The following GFOD1 variants were observed in gnomAD, a reference collection of about 807,000 sequenced individuals.
GFOD1 encodes the protein glucose-fructose oxidoreductase domain-containing protein 1.
In GFOD1, 9 loss-of-function variants were observed where a neutral mutation model predicts 25.4. The ratio of observed to expected loss-of-function variants is 0.35; its 90% CI spans 0.21 to 0.62. The LOEUF (loss-of-function observed/expected upper bound fraction) is 0.62, where lower values mean the gene tolerates loss of function less well. GFOD1 is among the 20% of genes least tolerant of loss of function. GFOD1 has a pLI of 0.72. For synonymous variants in GFOD1, 253 were observed against 245.6 expected, an observed-to-expected ratio of 1.03 and a Z score of -0.28; for missense variants, 403 against 556.9, an observed-to-expected ratio of 0.72 and a Z score of 2.78.
rs566601710 is a variant in GFOD1, at chr6:13,417,753, C to T, written c.254-52091G>A. Among the ~76,000 whole-genome samples, 116 of 152,296 alleles carry T rather than the reference C, an allele frequency of 7.6e-4. 2 individuals are homozygous for T. Among genetic ancestry groups the T allele is most frequent in the Non-Finnish European group, 1.5e-3 (99 of 68,024 alleles). On this transcript the variant is annotated intron_variant, in intron 1 of 1. Transcript: ENST00000379287. Reference sequence around the variant, plus strand: ...TCGTAAGTGCAGCAGGAGAATAATTCCCGGAATATGGATTCTTTCAACCAT... The same window carrying T: ...TCGTAAGTGCAGCAGGAGAATAATTTCCGGAATATGGATTCTTTCAACCAT...
rs546392214 is a variant in GFOD1, at chr6:13,394,066, T to A, written c.254-28404A>T. Among the ~76,000 whole-genome samples the A allele has an allele frequency of 1.2e-4, 18 of 152,042 alleles. No individual in the cohort carries two copies. In the East Asian group the frequency reaches 3.5e-3, roughly 29 times the overall value. On this transcript the variant is annotated intron_variant, in intron 1 of 1. Coordinates refer to ENST00000379287, the MANE Select transcript of GFOD1 (RefSeq NM_018988.4). ...TGCTGGGATTACAGGCGTGAGCCAC[T>A]GTGCCTGGCTCCTTGGCCAATGTCT...
intron 1 of GFOD1, among the ~76,000 whole-genome samples, chr6:13,449,909 C>T (rs1758066141): frequency 6.6e-6 from 1 of 152,216 alleles, no homozygotes; most frequent in African/African-American, 2.4e-5. Context: ...TACTTCCTCT[C>T]AAATAATATT....
chr6:13,415,434 A>G (rs1294205243), intron 1 of GFOD1, among the ~76,000 whole-genome samples: 1 of 151,790 alleles, frequency 6.6e-6, no homozygotes, highest in Admixed American at 6.6e-5. Context: ...CACCTCCTCC[A>G]CCCACCTTGC....
chr6:13,433,748 T>C (rs939299072), intron 1 of GFOD1, among the ~76,000 whole-genome samples: 4 of 152,062 alleles, frequency 2.6e-5, no homozygotes, highest in South Asian at 4.2e-4. Context: ...AGAGGTGACA[T>C]TGCATTCCCT....
intron 1 of GFOD1, among the ~76,000 whole-genome samples, chr6:13,421,070 T>C (rs1350940390): frequency 1.3e-5 from 2 of 152,174 alleles, no homozygotes; most frequent in Admixed American, 6.5e-5. Flanking sequence ...GAGTATTCAA[T>C]AAGGGGTAGA....
chr6:13,474,461 A>C (rs187593541), intron 1 of GFOD1, among the ~76,000 whole-genome samples: 42 of 152,316 alleles, frequency 2.8e-4, no homozygotes, highest in African/African-American at 9.1e-4. Flanking sequence ...TGGCACTGGG[A>C]AGCTTACCCA....
rs143303503 is a variant in GFOD1 at position 13,455,024 on chromosome 6, G to T, written c.253+31614C>A. On this transcript the variant is annotated intron_variant, in intron 1 of 1. Coordinates refer to ENST00000379287, the MANE Select transcript of GFOD1 (RefSeq NM_018988.4). ...AGATTTTCCACCATCTGATGCAGTTGCTTCCGCTAGAGTTTAGGGTTTCGT... is the reference window on the plus strand; with the variant it reads ...AGATTTTCCACCATCTGATGCAGTTTCTTCCGCTAGAGTTTAGGGTTTCGT... 4.2e-3 allele frequency among the ~76,000 whole-genome samples: 647 copies of T among 152,290 alleles called. 7 individuals carry two copies. The highest frequency in any genetic ancestry group is 0.014 in the African/African-American group (590 of 41,554).
chr6:13,419,478 C>A (rs1359362598), intron 1 of GFOD1, among the ~76,000 whole-genome samples: 1 of 152,146 alleles, frequency 6.6e-6, no homozygotes, highest in Non-Finnish European at 1.5e-5. Flanking sequence ...AGCTGCTGGT[C>A]TCCTTGCTTC....
At chr6:13,469,165 A>G in intron 1 of GFOD1, 1 of 832,734 alleles carries the variant, frequency 1.2e-6, no homozygotes, top group Non-Finnish European at 1.4e-6. Flanking sequence ...CCAGAACAGT[A>G]AAGAGGCCAC....
rs70989853 is a variant in GFOD1, at chr6:13,393,368, CAAAAAAAAAAA to C, written c.254-27717_254-27707del. On this transcript the variant is annotated intron_variant, in intron 1 of 1. Coordinates refer to ENST00000379287, the MANE Select transcript of GFOD1 (RefSeq NM_018988.4). ...GAGACCCCATCTCAAAAACAACCAC[CAAAAAAAAAAA>C]AAAAAAAAAAAAAGGAAAGAAGTAA... Among the ~76,000 whole-genome samples the C allele has an allele frequency of 2.8e-3, 203 of 72,504 alleles. 2 individuals are homozygous for C. The highest frequency in any genetic ancestry group is 0.011 in the African/African-American group (189 of 17,518). The allele number at this position is 72,504 out of a possible 152,430, so 47.6% of individuals were successfully genotyped here.
intron 1 of GFOD1, among the ~76,000 whole-genome samples, chr6:13,454,126 G>C (rs907700902): frequency 1.2e-4 from 19 of 152,242 alleles, no homozygotes; most frequent in Admixed American, 6.5e-5. Context: ...AAGCAGAGAC[G>C]AGGTGATGCA....
At chr6:13,391,325 C>T (rs1465763240) in intron 1 of GFOD1, among the ~76,000 whole-genome samples, 1 of 151,800 alleles carries the variant, frequency 6.6e-6, no homozygotes, top group Non-Finnish European at 1.5e-5. Flanking sequence ...TGGCAAAACC[C>T]CGTCTCTATT....
intron 1 of GFOD1, among the ~76,000 whole-genome samples, chr6:13,423,139 T>C (rs570628438): frequency 2.4e-4 from 37 of 152,180 alleles, no homozygotes; most frequent in Non-Finnish European, 3.8e-4. Flanking sequence ...TTTGAAAGTC[T>C]GTCTCATTTC....
intron 1 of GFOD1, chr6:13,470,042 C>T (rs764293892): frequency 1.5e-6 from 2 of 1,374,048 alleles, no homozygotes; most frequent in Admixed American, 1.9e-5. Context: ...AGAATATTTC[C>T]TTACACATTG....
intron 1 of GFOD1, among the ~76,000 whole-genome samples, chr6:13,468,073 TC>T (rs1758407983): frequency 6.6e-6 from 1 of 152,184 alleles, no homozygotes; most frequent in Non-Finnish European, 1.5e-5. Flanking sequence ...ATATATTTTT[TC>T]ATTATGATAT....
chr6:13,385,469 T>G (rs1030061094), intron 1 of GFOD1, among the ~76,000 whole-genome samples: 1 of 152,220 alleles, frequency 6.6e-6, no homozygotes, highest in Non-Finnish European at 1.5e-5. Context: ...GTGGCTGTTC[T>G]GCTGGGGCTG....
chr6:13,390,873 G>A (rs746126299), intron 1 of GFOD1, among the ~76,000 whole-genome samples: 10 of 152,110 alleles, frequency 6.6e-5, no homozygotes, highest in Non-Finnish European at 1.2e-4. Context: ...AGGGCTGCAT[G>A]AGGCAATGCA....
intron 1 of GFOD1, among the ~76,000 whole-genome samples, chr6:13,374,265 TTTTTTTTTTGTG>T (rs1357211519): frequency 8.6e-6 from 1 of 116,488 alleles, no homozygotes; most frequent in East Asian, 3.6e-4. Flanking sequence ...TAAAAATATG[TTTTTTTTTTGTG>T]TGTGTGTGTG....
intron 1 of GFOD1, among the ~76,000 whole-genome samples, chr6:13,464,363 G>A (rs1267370788): frequency 6.6e-6 from 1 of 152,218 alleles, no homozygotes; most frequent in Non-Finnish European, 1.5e-5. Flanking sequence ...TACGGGTTGT[G>A]AAGTCCTGCC....
Sources: gnomAD v4.1 joint callset for allele counts (sites outside exome capture counted in the v4.1 genomes callset) on GRCh38, gnomAD v4.1.1 for gene constraint, MANE v1.5 for transcripts, NCBI Gene and HGNC (gene_info 2026-07-23, HGNC 2026-07-21) for gene names.